NAV3: variants seen among roughly 807,000 people sequenced by gnomAD.
NAV3 encodes the protein neuron navigator 3.
Under a neutral mutation model 244.7 loss-of-function variants are expected in NAV3, and 87 were observed. The observed-to-expected ratio is 0.36, with a 90% CI of 0.30 to 0.42. NAV3 has a LOEUF of 0.42. Among genes scored for constraint, NAV3 ranks in the 20% least tolerant of loss-of-function variants. The pLI is 1.00. For missense variants in NAV3, 2,663 were observed against 2,893.3 expected, an observed-to-expected ratio of 0.92 and a Z score of 1.83; for synonymous variants, 1,126 against 1,042.2, an observed-to-expected ratio of 1.08 and a Z score of -1.55.
chr12:78,147,610 C>T (rs73147957), intron 21 of NAV3, among the ~76,000 whole-genome samples: 3,018 of 116,606 alleles, frequency 0.026, 48 homozygotes, highest in South Asian at 0.063. Context: ...GTATCTGTTC[C>T]GGAAAAAAAA....
intron 9 of NAV3, among the ~76,000 whole-genome samples, chr12:78,038,416 G>T (rs1880286588): frequency 6.6e-6 from 1 of 152,170 alleles, no homozygotes; most frequent in Admixed American, 6.5e-5. Flanking sequence ...ATGCAGGCTT[G>T]CTTTTACTCT....
At chr12:78,024,195 T>A (rs1301637190) in intron 9 of NAV3, among the ~76,000 whole-genome samples, 2 of 152,194 alleles carry the variant, frequency 1.3e-5, no homozygotes, top group African/African-American at 4.8e-5. Flanking sequence ...TGTATTTTTA[T>A]TTTTATATAT....
At chr12:77,589,913 T>G (rs1487796657) in intron 2 of NAV3, among the ~76,000 whole-genome samples, 1 of 152,256 alleles carries the variant, frequency 6.6e-6, no homozygotes, top group Non-Finnish European at 1.5e-5. Context: ...ATCAATTTGC[T>G]TAATCACATT....
At chr12:78,113,696 G>A (rs1340213556) in intron 12 of NAV3, among the ~76,000 whole-genome samples, 4 of 152,128 alleles carry the variant, frequency 2.6e-5, no homozygotes, top group Admixed American at 2.6e-4. Context: ...GATGAGTAGG[G>A]TTGCCACAAA....
intron 12 of NAV3, among the ~76,000 whole-genome samples, chr12:78,105,113 A>G (rs1954736781): frequency 6.6e-6 from 1 of 152,132 alleles, no homozygotes; most frequent in African/African-American, 2.4e-5. Context: ...TACATTTATG[A>G]CAGTATGGGA....
rs140525524 is a variant in NAV3 at position 77,619,881 on chromosome 12, T to TCACACACA, written c.72+47628_72+47635dup. ...TAATGTGACAAAAAGTCTCTCTCTC[T>TCACACACA]CACACACACACACACACACAGACAG... On this transcript the variant is annotated intron_variant, in intron 2 of 8. Transcript: ENST00000550042. Among the ~76,000 whole-genome samples, 139 of 149,360 alleles carry TCACACACA rather than the reference T, an allele frequency of 9.3e-4. 1 individual carries two copies. The highest frequency in any genetic ancestry group is 3.5e-3 in the Middle Eastern group (1 of 284).
intron 2 of NAV3, among the ~76,000 whole-genome samples, chr12:77,797,774 G>C (rs201043528): frequency 6.6e-6 from 1 of 151,708 alleles, no homozygotes; most frequent in African/African-American, 2.4e-5. Flanking sequence ...GTGAGGCAGA[G>C]GTTGCAGTGA....
chr12:78,190,291 T>G, intron 34 of NAV3, 72 bp downstream of exon 34: 1 of 1,228,790 alleles, frequency 8.1e-7, no homozygotes, highest in Non-Finnish European at 1.2e-6. Flanking sequence ...ATTATAAGAT[T>G]TTGTGAGACT....
chr12:77,738,583 G>A (rs1470252703), intron 2 of NAV3, among the ~76,000 whole-genome samples: 7 of 152,236 alleles, frequency 4.6e-5, no homozygotes, highest in Non-Finnish European at 8.8e-5. Flanking sequence ...ATACACACAC[G>A]TTGATTTGAA....
intron 2 of NAV3, among the ~76,000 whole-genome samples, chr12:77,659,278 C>T (rs1328682968): frequency 6.6e-6 from 1 of 151,302 alleles, no homozygotes; most frequent in Non-Finnish European, 1.5e-5. Context: ...AAACAAACAA[C>T]CCCATGAAAA....
intron 2 of NAV3, among the ~76,000 whole-genome samples, chr12:77,769,023 T>C (rs1000995881): frequency 1.3e-5 from 2 of 152,214 alleles, no homozygotes; most frequent in East Asian, 3.8e-4. Context: ...TTACATGAAT[T>C]GATATATATT....
chr12:77,806,182 C>G (rs954863035), intron 2 of NAV3, among the ~76,000 whole-genome samples: 1 of 152,066 alleles, frequency 6.6e-6, no homozygotes, highest in Non-Finnish European at 1.5e-5. Flanking sequence ...CTGCTCTGAT[C>G]TTCGTTATTT....
At chr12:77,984,706 T>A (rs905903854) in intron 5 of NAV3, among the ~76,000 whole-genome samples, 2 of 152,188 alleles carry the variant, frequency 1.3e-5, no homozygotes, top group Non-Finnish European at 2.9e-5. Flanking sequence ...TTTCAACATA[T>A]TAATTCACAG....
At chr12:78,177,569 T>C in intron 27 of NAV3, 51 bp from the exon 28 acceptor site, 1 of 1,516,418 alleles carries the variant, frequency 6.6e-7, no homozygotes, top group Non-Finnish European at 9.0e-7. Context: ...GATTCTCACT[T>C]CTTTTCATGG....
chr12:77,760,618 T>A (rs1423382315), intron 2 of NAV3, among the ~76,000 whole-genome samples: 1 of 152,178 alleles, frequency 6.6e-6, no homozygotes, highest in African/African-American at 2.4e-5. Flanking sequence ...CCATTTTGGA[T>A]GAAATTCTTG....
At chr12:77,773,216 T>G (rs990182763) in intron 2 of NAV3, among the ~76,000 whole-genome samples, 2 of 103,608 alleles carry the variant, frequency 1.9e-5, no homozygotes, top group African/African-American at 6.6e-5. Flanking sequence ...CAGAACTCCC[T>G]TTGCTAAAAG....
At chr12:77,949,760 A>T (rs944285703) in intron 3 of NAV3, among the ~76,000 whole-genome samples, 1 of 152,062 alleles carries the variant, frequency 6.6e-6, no homozygotes, top group Non-Finnish European at 1.5e-5. Flanking sequence ...TACATTAGAC[A>T]AATATATAAT....
intron 2 of NAV3, among the ~76,000 whole-genome samples, chr12:77,809,749 T>G (rs1872189322): frequency 6.6e-6 from 1 of 152,254 alleles, no homozygotes; most frequent in African/African-American, 2.4e-5. Flanking sequence ...TGTTGTTTAT[T>G]TCTTATATTT....
At chr12:78,193,391 T>C (rs975264615) in intron 34 of NAV3, among the ~76,000 whole-genome samples, 4 of 152,120 alleles carry the variant, frequency 2.6e-5, no homozygotes, top group African/African-American at 9.7e-5. Context: ...ATTTGGAATG[T>C]TAGGCTGGAA....
Sources: allele counts gnomAD v4.1 joint callset (sites outside exome capture counted in the v4.1 genomes callset), GRCh38; gene constraint gnomAD v4.1.1; transcripts MANE v1.5; gene names NCBI Gene and HGNC (gene_info 2026-07-23, HGNC 2026-07-21).